Variants in IQCJ observed in about 807,000 individuals in gnomAD.
IQCJ encodes the protein IQ motif containing J.
A neutral mutation model predicts 11.0 loss-of-function variants in IQCJ; 9 were observed. The ratio of observed to expected loss-of-function variants is 0.82; its 90% CI spans 0.49 to 1.43. The LOEUF is 1.43. IQCJ is among the 40% of genes most tolerant of loss of function. The pLI is 0.00. For missense variants in IQCJ, 146 were observed against 133.2 expected (o/e 1.10, Z -0.47); for synonymous variants, 55 against 51.3 (o/e 1.07, Z -0.31).
At chr3:159,191,349 G>T (rs1723676748) in intron 1 of IQCJ, among the ~76,000 whole-genome samples, 1 of 152,086 alleles carries the variant, frequency 6.6e-6, no homozygotes, top group South Asian at 2.1e-4. Flanking sequence ...GGAGCATCTT[G>T]GTTTACAGAC....
chr3:159,190,864 A>G (rs985185867), intron 1 of IQCJ, among the ~76,000 whole-genome samples: 18 of 152,260 alleles, frequency 1.2e-4, no homozygotes, highest in African/African-American at 2.7e-4. Flanking sequence ...AAAAGTTCCT[A>G]GCACATAGCA....
At chr3:159,081,152 T>C (rs1425826250) in intron 1 of IQCJ, among the ~76,000 whole-genome samples, 1 of 152,092 alleles carries the variant, frequency 6.6e-6, no homozygotes, top group African/African-American at 2.4e-5. Context: ...TGCTGTCTTG[T>C]AGGTGTCTTT....
chr3:159,205,721 A>G (rs1416252221), intron 1 of IQCJ, among the ~76,000 whole-genome samples: 3 of 152,198 alleles, frequency 2.0e-5, no homozygotes, highest in African/African-American at 4.8e-5. Flanking sequence ...AGAAGGCAGC[A>G]AGCTATGTGG....
At chr3:159,192,546 A>G (rs1723749188) in intron 1 of IQCJ, among the ~76,000 whole-genome samples, 1 of 152,204 alleles carries the variant, frequency 6.6e-6, no homozygotes, top group Admixed American at 6.5e-5. Context: ...TGGAGCTAGC[A>G]TGGCCCTTCA....
At chr3:159,207,679 G>A (rs1281144640) in intron 1 of IQCJ, among the ~76,000 whole-genome samples, 2 of 152,156 alleles carry the variant, frequency 1.3e-5, no homozygotes, top group South Asian at 2.1e-4. Context: ...CTGATAAAAA[G>A]GGAAGTTCAG....
intron 1 of IQCJ, among the ~76,000 whole-genome samples, chr3:159,234,031 T>A (rs1210101046): frequency 6.6e-6 from 1 of 152,154 alleles, no homozygotes; most frequent in Non-Finnish European, 1.5e-5. Context: ...ATACTGCTGC[T>A]ACTCACACTG....
intron 1 of IQCJ, among the ~76,000 whole-genome samples, chr3:159,229,843 C>A (rs1308374326): frequency 9.4e-5 from 3 of 31,864 alleles, no homozygotes; most frequent in Admixed American, 8.3e-4. Flanking sequence ...CCCTCCTTCC[C>A]CTCCTCCTCT....
intron 1 of IQCJ, among the ~76,000 whole-genome samples, chr3:159,204,887 C>T (rs1200901807): frequency 6.6e-6 from 1 of 152,200 alleles, no homozygotes; most frequent in Non-Finnish European, 1.5e-5. Flanking sequence ...CTTTCTGCAT[C>T]TCCTGTGTCC....
chr3:159,140,492 A>G (rs1170228687), intron 1 of IQCJ, among the ~76,000 whole-genome samples: 2 of 152,176 alleles, frequency 1.3e-5, no homozygotes, highest in Non-Finnish European at 2.9e-5. Flanking sequence ...GAATAGTACT[A>G]TATGTAAAAT....
At chr3:159,203,663 A>T (rs531197855) in intron 1 of IQCJ, among the ~76,000 whole-genome samples, 21 of 152,160 alleles carry the variant, frequency 1.4e-4, no homozygotes, top group Middle Eastern at 3.4e-3. Context: ...TGTGTGTGTG[A>T]GAGAGAGAAG....
At chr3:159,153,621 A>G (rs1318195573) in intron 1 of IQCJ, among the ~76,000 whole-genome samples, 1 of 152,250 alleles carries the variant, frequency 6.6e-6, no homozygotes, top group African/African-American at 2.4e-5. Flanking sequence ...CAACTAATGA[A>G]GAATAAATGT....
rs201260200 is a variant in IQCJ, at chr3:159,177,873, GAAAATC to G, written c.10-67968_10-67963del. ...TTATACAAGTAATAGGATTTGACCT[GAAAATC>G]AGTGTTGCCTCAATTTAGTTCAACT... On this transcript the variant is annotated intron_variant, in intron 1 of 3. Transcript: ENST00000397832. Among the ~76,000 whole-genome samples, 957 of 152,290 alleles carry G rather than the reference GAAAATC, an allele frequency of 6.3e-3. 33 individuals carry two copies. The highest frequency in any genetic ancestry group is 0.054 in the Admixed American group (821 of 15,280).
chr3:159,225,104 TAGC>T (rs1725777204), intron 1 of IQCJ, among the ~76,000 whole-genome samples: 1 of 152,186 alleles, frequency 6.6e-6, no homozygotes, highest in African/African-American at 2.4e-5. Context: ...TATCTATTGA[TAGC>T]AGCTTTATTA....
At chr3:159,246,917 T>C (rs977511647) in intron 2 of IQCJ, among the ~76,000 whole-genome samples, 1 of 152,136 alleles carries the variant, frequency 6.6e-6, no homozygotes, top group Non-Finnish European at 1.5e-5. Flanking sequence ...AAAACTTTTG[T>C]AAAAGTTCAA....
intron 1 of IQCJ, among the ~76,000 whole-genome samples, chr3:159,245,378 AATATT>A (rs1236549902): frequency 2.6e-5 from 4 of 152,116 alleles, no homozygotes; most frequent in African/African-American, 9.7e-5. Flanking sequence ...TTTGAGTGAC[AATATT>A]ATATTCTAAC....
chr3:159,176,709 C>A (rs961024220), intron 1 of IQCJ, among the ~76,000 whole-genome samples: 16 of 152,022 alleles, frequency 1.1e-4, no homozygotes, highest in Non-Finnish European at 1.8e-4. Context: ...GTACTCAATG[C>A]GAAAATTAAT....
At chr3:159,224,392 A>C (rs1044756785) in intron 1 of IQCJ, among the ~76,000 whole-genome samples, 3 of 152,218 alleles carry the variant, frequency 2.0e-5, no homozygotes, top group Non-Finnish European at 4.4e-5. Context: ...GATAACAAAG[A>C]ACCACTTCAT....
intron 1 of IQCJ, among the ~76,000 whole-genome samples, chr3:159,137,997 T>C (rs1720394101): frequency 6.6e-6 from 1 of 151,006 alleles, no homozygotes; most frequent in East Asian, 1.9e-4. Context: ...TACTTGGAAA[T>C]TTATAGATGA....
chr3:159,132,133 C>T (rs1428599981), intron 1 of IQCJ, among the ~76,000 whole-genome samples: 1 of 152,156 alleles, frequency 6.6e-6, no homozygotes, highest in Non-Finnish European at 1.5e-5. Context: ...AGAGCTTCTC[C>T]TGGGATTTTT....
Sources: gnomAD v4.1 joint callset for allele counts (sites outside exome capture counted in the v4.1 genomes callset) on GRCh38, gnomAD v4.1.1 for gene constraint, MANE v1.5 for transcripts, NCBI Gene and HGNC (gene_info 2026-07-23, HGNC 2026-07-21) for gene names.